The following ANKRD26 variants were observed in gnomAD, a reference collection of about 807,000 sequenced individuals.
The protein encoded by ANKRD26 is ankyrin repeat domain 26.
ANKRD26 carries 141 observed loss-of-function variants against 208.7 expected under a neutral mutation model. The observed-to-expected ratio is 0.68, with a 90% confidence interval of 0.59 to 0.78. The LOEUF (loss-of-function observed/expected upper bound fraction) is 0.78. Among genes scored for constraint, ANKRD26 ranks in the 30% least tolerant of loss-of-function variants. ANKRD26 has a pLI of 0.00. For missense variants in ANKRD26, 1,889 were observed against 1,938.7 expected, an observed-to-expected ratio of 0.97 and a Z score of 0.48; for synonymous variants, 636 against 660.4, an observed-to-expected ratio of 0.96 and a Z score of 0.57.
At chr10:27,021,819 G>A (rs931213604) in intron 29 of ANKRD26, among the ~76,000 whole-genome samples, 3 of 152,058 alleles carry the variant, frequency 2.0e-5, no homozygotes, top group Non-Finnish European at 4.4e-5. Flanking sequence ...TTTTTATCAT[G>A]TTTGTTGGGT....
Position 27,066,342 on chromosome 10 carries a change from TATTA to T in ANKRD26, c.1269+141_1269+144del, listed in dbSNP as rs3060820. On this transcript the variant is annotated intron_variant, in intron 11 of 33. Transcript: ENST00000376087. ...GCAGTAATATACTTAGCACATACTTTATTAATTATGAACTGAAAAATATAAGAAA... is the reference window on the plus strand; with the variant it reads ...GCAGTAATATACTTAGCACATACTTTATTATGAACTGAAAAATATAAGAAA... The T allele has an allele frequency of 0.58, 328,235 of 564,390 alleles. 100,886 individuals are homozygous for T. The highest frequency in any genetic ancestry group is 0.66 in the Non-Finnish European group (214,080 of 325,242). The allele number at this position is 564,390 out of a possible 1,614,324, so 35.0% of individuals were successfully genotyped here.
chr10:27,077,342 A>T lies in ANKRD26; in HGVS notation c.1073T>A (p.Met358Lys). ...GTTTTTTAAAAAACAACTTACCTTC[A>T]TAAGACCAGGGTTTGCTAACGACTT... ...SHKSLANPGL[M>K]KEEPTKPGIA... The change falls in exon 9 of 34, where the codon ATG becomes AAG. Residue 358 changes from methionine (M) to lysine (K), a missense_variant. This residue lies in a region of ANKRD26 where 1,272 missense variants were observed against 1,273.8 expected (regional missense o/e 1.00). Coordinates refer to ENST00000376087, the MANE Select transcript of ANKRD26 (RefSeq NM_014915.3). The T allele has an allele frequency of 1.2e-6, 2 of 1,612,922 alleles. No individual in the cohort carries two copies. Among genetic ancestry groups the T allele is most frequent in the South Asian group, 2.2e-5 (2 of 91,056 alleles).
intron 6 of ANKRD26, chr10:27,080,732 C>T: frequency 1.0e-6 from 1 of 985,448 alleles, no homozygotes; most frequent in Non-Finnish European, 1.2e-6. Context: ...AAAGGATGGT[C>T]TCAAATGCCC....
At chr10:27,022,443 A>G (rs2053521104) in intron 29 of ANKRD26, 115 bp downstream of exon 29, 1 of 843,094 alleles carries the variant, frequency 1.2e-6, no homozygotes, top group African/African-American at 1.7e-5. Flanking sequence ...TTTTATTAGT[A>G]TCAAGTCCCT....
the ANKRD26 span, among the ~76,000 whole-genome samples, chr10:26,961,402 T>C: frequency 1.3e-5 from 2 of 152,208 alleles, no homozygotes; most frequent in Non-Finnish European, 2.9e-5. Flanking sequence ...AAAGTAAGCA[T>C]GACTTCCATA....
chr10:27,076,574 T>C (rs531763009), intron 9 of ANKRD26, among the ~76,000 whole-genome samples: 1 of 152,190 alleles, frequency 6.6e-6, no homozygotes, highest in East Asian at 1.9e-4. Context: ...AGCTTTTTTT[T>C]AAAAGATACA....
rs777688871 is a variant in ANKRD26, at chr10:27,033,329, G to GT, written c.3702dup (p.Gln1235ThrfsTer17). Reference sequence around the variant, plus strand: ...TCCAGTGAAGCCTCTGACATAGATTGTTTTTTTAGGGTATCAGCTAGTTCT... The same window carrying GT: ...TCCAGTGAAGCCTCTGACATAGATTGTTTTTTTTAGGGTATCAGCTAGTTCT... On this transcript the variant is annotated frameshift_variant, in exon 25 of 34. Transcript: ENST00000376087. LOFTEE classifies it high-confidence loss of function. 1.9e-6 allele frequency: 3 copies of GT among 1,611,884 alleles called. No homozygotes were observed. The highest frequency in any genetic ancestry group is 2.2e-5 in the East Asian group (1 of 44,746).
At chr10:27,071,752 A>C (rs1420046584) in intron 9 of ANKRD26, among the ~76,000 whole-genome samples, 1 of 152,136 alleles carries the variant, frequency 6.6e-6, no homozygotes, top group African/African-American at 2.4e-5. Context: ...TGTGAACGGG[A>C]GAGATGGTCC....
At chr10:26,965,093 C>T in the ANKRD26 span, among the ~76,000 whole-genome samples, 1 of 152,152 alleles carries the variant, frequency 6.6e-6, no homozygotes, top group Non-Finnish European at 1.5e-5. Flanking sequence ...CCCCATCAAG[C>T]TACCAATGAC....
chr10:26,962,873 A>C, the ANKRD26 span, among the ~76,000 whole-genome samples: 1 of 152,188 alleles, frequency 6.6e-6, no homozygotes, highest in Non-Finnish European at 1.5e-5. Flanking sequence ...TCTGTGTTCC[A>C]TGCACTCGGT....
chr10:27,064,413 A>G (rs1447983254), intron 11 of ANKRD26, among the ~76,000 whole-genome samples: 1 of 152,200 alleles, frequency 6.6e-6, no homozygotes, highest in Non-Finnish European at 1.5e-5. Context: ...TCTACTTTGT[A>G]TTCCCCACCA....
downstream of ANKRD26, among the ~76,000 whole-genome samples, chr10:26,971,983 C>G (rs2052150273): frequency 1.3e-5 from 2 of 152,130 alleles, 1 homozygote; most frequent in Non-Finnish European, 2.9e-5. Context: ...CGCCTGTAAT[C>G]CCAGCACTTT....
At chr10:27,012,692 A>G (rs1212901650) in intron 32 of ANKRD26, among the ~76,000 whole-genome samples, 190 bp downstream of exon 32, 25 of 152,142 alleles carry the variant, frequency 1.6e-4, no homozygotes, top group Admixed American at 1.6e-3. Context: ...ACACACCTGT[A>G]ATCCCAGCTA....
At chr10:27,036,372 T>C (rs80042936) in intron 23 of ANKRD26, among the ~76,000 whole-genome samples, 2,490 of 152,136 alleles carry the variant, frequency 0.016, 153 homozygotes, top group East Asian at 0.16. Context: ...GCTGTATGAT[T>C]TTCCCTGGGT....
chr10:27,010,420 C>G (rs976336053), intron 32 of ANKRD26, among the ~76,000 whole-genome samples: 1 of 152,120 alleles, frequency 6.6e-6, no homozygotes, highest in South Asian at 2.1e-4. Context: ...ATGTTGTTAC[C>G]TGAGTTTTCT....
intron 4 of ANKRD26, among the ~76,000 whole-genome samples, chr10:26,981,773 T>C (rs999064488): frequency 2.6e-5 from 4 of 152,228 alleles, no homozygotes; most frequent in African/African-American, 9.6e-5. Flanking sequence ...TCAAGGAGTG[T>C]GTCAGACCCA....
chr10:26,953,214 C>T, the ANKRD26 span, among the ~76,000 whole-genome samples: 1 of 152,000 alleles, frequency 6.6e-6, no homozygotes. Flanking sequence ...CATTTGAGGC[C>T]GGGATATCGA....
At chr10:27,013,657 G>A (rs34827390) in intron 31 of ANKRD26, among the ~76,000 whole-genome samples, 14,283 of 152,146 alleles carry the variant, frequency 0.094, 800 homozygotes, top group East Asian at 0.28. Context: ...AATTCCTCAA[G>A]ACATGTGCAA....
Position 27,034,846 on chromosome 10 carries a change from G to A in ANKRD26, c.3604C>T (p.His1202Tyr). The A allele has an allele frequency of 1.2e-6, 2 of 1,611,434 alleles. No homozygotes were observed. Among genetic ancestry groups the A allele is most frequent in the Non-Finnish European group, 8.5e-7 (1 of 1,179,198 alleles). Residue 1202 changes from histidine to tyrosine, a missense_variant, in exon 24 of 34, where the codon CAC (histidine) becomes TAC (tyrosine). Around this residue, in one of 3 missense-constraint regions of ANKRD26, gnomAD observed 613 missense variants for 648.2 expected, o/e 0.95. Transcript: ENST00000376087. ...RNKELISECN[H>Y]LKERQYQYEN... ...TATTGATACTGTCTTTCTTTTAAGT[G>A]ATTACATTCACTGATTAACTCCTTA...
Sources: allele counts gnomAD v4.1 joint callset (sites outside exome capture counted in the v4.1 genomes callset), GRCh38; gene constraint gnomAD v4.1.1; regional missense constraint gnomAD v4.1.1; transcripts MANE v1.5; gene names NCBI Gene and HGNC (gene_info 2026-07-23, HGNC 2026-07-21).